SHOX: variants seen among roughly 807,000 people sequenced by gnomAD.
SHOX encodes the protein short stature homeobox protein.
SHOX carries 12 observed loss-of-function variants against 29.6 expected under a neutral mutation model. The observed-to-expected ratio is 0.41, with a 90% CI of 0.26 to 0.66. SHOX has a LOEUF of 0.66. Ranked by LOEUF, SHOX falls within the 30% of genes least tolerant of loss-of-function variation. SHOX has a pLI of 0.35. For missense variants in SHOX, 499 were observed against 437.7 expected (o/e 1.14, Z -1.25); for synonymous variants, 214 against 200.6 (o/e 1.07, Z -0.57).
At position 644,902 on chromosome X, in the gene SHOX, G is replaced by A. The variant is rs1293068435; in HGVS notation, c.*266G>A. Reference sequence around the variant, plus strand: ...CGGGCCTCTCCAAGGCTGCCCGTGCGTCCTGGGACCCTGGAGAAGGGTAAA... The same window carrying A: ...CGGGCCTCTCCAAGGCTGCCCGTGCATCCTGGGACCCTGGAGAAGGGTAAA... On this transcript the variant is annotated 3_prime_UTR_variant, in exon 5 of 5. Coordinates refer to ENST00000686671, the MANE Select transcript of SHOX (RefSeq NM_000451.4). The A allele has an allele frequency of 6.6e-6, 3 of 453,692 alleles. No homozygotes were observed. The highest frequency in any genetic ancestry group is 2.1e-5 in the African/African-American group (1 of 48,068). 28.1% of individuals were successfully genotyped at this position (453,692 alleles called of 1,614,324 possible). A position where few individuals can be genotyped will look rare whatever the true frequency, so the allele number is the denominator to read the frequency against.
chrX:650,718 C>G lies in SHOX; in HGVS notation c.*6082C>G, dbSNP rs1235746434. Among the ~76,000 whole-genome samples the G allele has an allele frequency of 7.0e-6, 1 of 143,306 alleles. No homozygotes were observed. Among genetic ancestry groups the G allele is most frequent in the Non-Finnish European group, 1.5e-5 (1 of 66,794 alleles). 94.0% of individuals were successfully genotyped at this position (143,306 alleles called of 152,430 possible). A position where few individuals can be genotyped will look rare whatever the true frequency, so the allele number is the denominator to read the frequency against. On this transcript the variant is annotated 3_prime_UTR_variant, in exon 5 of 5. Coordinates refer to ENST00000686671, the MANE Select transcript of SHOX (RefSeq NM_000451.4). ...CGACACACATTTCGGAGGCACTTTG[C>G]TGGAAGCCGCTTGTCTCCTCCAGCT...
At chrX:638,541 A>C (rs2052796103) in intron 2 of SHOX, among the ~76,000 whole-genome samples, 1 of 152,066 alleles carries the variant, frequency 6.6e-6, no homozygotes, top group Non-Finnish European at 1.5e-5. Flanking sequence ...CGGGGGTGTG[A>C]GGGAGGATGA....
chrX:636,970 A>ATTTTT (rs1251736014), intron 2 of SHOX, among the ~76,000 whole-genome samples: 2 of 137,328 alleles, frequency 1.5e-5, no homozygotes, highest in African/African-American at 5.6e-5. Context: ...ATATATATAT[A>ATTTTT]TTTTGGCTCC....
At position 634,813 on chromosome X, in the gene SHOX, A is replaced by G; in HGVS notation, c.473A>G (p.Glu158Gly). Reference protein sequence around the residue: ...EELSQRLGLSEARVQVWFQNR... With the variant: ...EELSQRLGLSGARVQVWFQNR... ...CTCAGCCAGCGCCTGGGGCTCTCCG[A>G]GGCGCGCGTGCAGGTAGGAACCCGG... Residue 158 changes from glutamate to glycine, a missense_variant, in exon 2 of 5, where the codon GAG becomes GGG. By Grantham distance (98) the Glu-to-Gly change is moderately conservative (BLOSUM62 -2). Transcript: ENST00000686671. The G allele has an allele frequency of 6.4e-7, 1 of 1,573,482 alleles. No homozygotes were observed. The highest frequency in any genetic ancestry group is 1.8e-4 in the Middle Eastern group (1 of 5,712).
chrX:634,933 C>T (rs2052718311), intron 2 of SHOX, 107 bp downstream of exon 2: 22 of 1,244,696 alleles, frequency 1.8e-5, no homozygotes, highest in Non-Finnish European at 2.3e-5. Context: ...CGTCCCCTTC[C>T]CGGAGCGCGG....
At chrX:652,608 G>A (rs189453305), downstream of SHOX, among the ~76,000 whole-genome samples, 135 of 152,188 alleles carry the variant, frequency 8.9e-4, 3 homozygotes, top group African/African-American at 3.0e-3. Context: ...AGTCTAAACC[G>A]TCCGTTGTCT....
chrX:636,663 TA>T lies in SHOX; in HGVS notation c.486+1841del, dbSNP rs376788970. On this transcript the variant is annotated intron_variant, in intron 2 of 4. Coordinates refer to ENST00000686671, the MANE Select transcript of SHOX (RefSeq NM_000451.4). ...AAATATATATAAACATATATACATA[TA>T]AAATATACATATATAAACATATATA... is the stretch of plus-strand genomic sequence containing the variant. Among the ~76,000 whole-genome samples, 2 of 1,850 alleles carry T rather than the reference TA, an allele frequency of 1.1e-3. 1 individual carries two copies. The highest frequency in any genetic ancestry group is 2.1e-3 in the Non-Finnish European group (2 of 952). The allele number at this position is 1,850 out of a possible 152,430, so 1.2% of individuals were successfully genotyped here. A position where few individuals can be genotyped will look rare whatever the true frequency, so the allele number is the denominator to read the frequency against.
chrX:638,846 G>A (rs1458382730), intron 2 of SHOX, among the ~76,000 whole-genome samples: 1 of 152,252 alleles, frequency 6.6e-6, no homozygotes, highest in Non-Finnish European at 1.5e-5. Context: ...TTCACTCACC[G>A]CCTTGGCGGA....
chrX:648,889 C>CCCTTCTCCTTCCTTCCT lies in SHOX; in HGVS notation c.*4253_*4254insCCTTCTCCTTCCTTCCT, dbSNP rs746868974. ...ACCAACGCCCTCTTCTCTCTCCCTT[C>CCCTTCTCCTTCCTTCCT]TCCTTCCTTCCTTCCTTCCTTTCTT... is the stretch of plus-strand genomic sequence containing the variant. On this transcript the variant is annotated 3_prime_UTR_variant, in exon 5 of 5. Transcript: ENST00000686671. Among the ~76,000 whole-genome samples, 62 of 141,948 alleles carry CCCTTCTCCTTCCTTCCT rather than the reference C, an allele frequency of 4.4e-4. 1 individual carries two copies. The highest frequency in any genetic ancestry group is 1.6e-3 in the African/African-American group (60 of 37,698). 93.1% of individuals were successfully genotyped at this position (141,948 alleles called of 152,430 possible).
upstream of SHOX, among the ~76,000 whole-genome samples, chrX:627,653 C>G (rs761263546): frequency 6.7e-6 from 1 of 149,136 alleles, no homozygotes; most frequent in South Asian, 2.1e-4. Context: ...TCTCCGAGGC[C>G]GAGGGGCCTT....
rs1388800084 is a variant in SHOX at position 648,285 on chromosome X, G to A, written c.*3649G>A. ...GGCCTCCTGAGTAGCTGGGATTACA[G>A]GCACCTGCCACCAGGCCTGGGTAAC... On this transcript the variant is annotated 3_prime_UTR_variant, in exon 5 of 5. Transcript: ENST00000686671. 2.0e-5 allele frequency among the ~76,000 whole-genome samples: 3 copies of A among 146,754 alleles called. No individual in the cohort carries two copies. The highest frequency in any genetic ancestry group is 4.5e-5 in the Non-Finnish European group (3 of 67,028).
At chrX:641,816 G>A (rs1407833750) in intron 4 of SHOX, among the ~76,000 whole-genome samples, 1 of 152,154 alleles carries the variant, frequency 6.6e-6, no homozygotes, top group Non-Finnish European at 1.5e-5. Context: ...CCCCCACCTG[G>A]CTTGCTGCCT....
intron 1 of SHOX, among the ~76,000 whole-genome samples, chrX:632,754 T>A (rs918164068): frequency 6.6e-6 from 1 of 152,160 alleles, no homozygotes; most frequent in African/African-American, 2.4e-5. Flanking sequence ...GAGGAGTTCC[T>A]CCCTACACAC....
At chrX:631,722 G>A (rs1258714063) in intron 1 of SHOX, among the ~76,000 whole-genome samples, 1 of 152,198 alleles carries the variant, frequency 6.6e-6, no homozygotes, top group Middle Eastern at 3.2e-3. Flanking sequence ...AGTAAAGACG[G>A]GGATTCACCA....
chrX:652,312 A>G (rs1430020969), downstream of SHOX, among the ~76,000 whole-genome samples: 1 of 151,838 alleles, frequency 6.6e-6, no homozygotes, highest in Non-Finnish European at 1.5e-5. Flanking sequence ...AATAAATGGA[A>G]AAAGAAATCG....
chrX:625,102 T>TCC, intron 1 of SHOX, among the ~76,000 whole-genome samples: 2 of 68,092 alleles, frequency 2.9e-5, no homozygotes, highest in Non-Finnish European at 7.4e-5. Context: ...TCCTTCCCTT[T>TCC]CTTTCTTCTT....
intron 5 of SHOX, among the ~76,000 whole-genome samples, chrX:658,563 C>T (rs1450179420): frequency 2.6e-5 from 4 of 151,586 alleles, no homozygotes; most frequent in South Asian, 2.1e-4. Flanking sequence ...CTCCTCTTCC[C>T]GGGTTCACGC....
intron 4 of SHOX, among the ~76,000 whole-genome samples, chrX:643,288 T>TG (rs2052895807): frequency 4.1e-5 from 5 of 120,768 alleles, no homozygotes; most frequent in African/African-American, 6.5e-5. Flanking sequence ...CCTGGTGTCC[T>TG]GGGAGAGGCT....
rs185066590 is a variant in SHOX, at chrX:642,492, G to T, written c.633+1405G>T. Among the ~76,000 whole-genome samples, 243 of 152,292 alleles carry T rather than the reference G, an allele frequency of 1.6e-3. 3 individuals are homozygous for T. The highest frequency in any genetic ancestry group is 5.5e-3 in the African/African-American group (229 of 41,570). On this transcript the variant is annotated intron_variant, in intron 4 of 4. Transcript: ENST00000686671. ...AACAACTCAGAAATGGACCCCGAGC[G>T]CTGGTCGCCGCTAGCTCTCCAGCTC...
Sources: gnomAD v4.1 joint callset for allele counts (sites outside exome capture counted in the v4.1 genomes callset) on GRCh38, gnomAD v4.1.1 for gene constraint, MANE v1.5 for transcripts, NCBI Gene and HGNC (gene_info 2026-07-23, HGNC 2026-07-21) for gene names.